Variants in CORIN observed in about 807,000 individuals in gnomAD.
The protein encoded by CORIN is atrial natriuretic peptide-converting enzyme.
A neutral mutation model predicts 125.3 loss-of-function variants in CORIN; 117 were observed. The ratio of observed to expected loss-of-function variants is 0.93; its 90% confidence interval spans 0.80 to 1.09. CORIN has a LOEUF of 1.09. Among genes scored for constraint, CORIN ranks in the 50% least tolerant of loss-of-function variants. The pLI, the probability that CORIN is intolerant of heterozygous loss-of-function variation, is 0.00. For missense variants in CORIN, 1,253 were observed against 1,306.7 expected (o/e 0.96, Z 0.63); for synonymous variants, 450 against 466.4 (o/e 0.96, Z 0.45).
At chr4:47,740,258 G>T (rs6849926) in intron 5 of CORIN, among the ~76,000 whole-genome samples, 27,287 of 151,730 alleles carry the variant, frequency 0.18, 3,008 homozygotes, top group Non-Finnish European at 0.25. Context: ...ATTTTCTATT[G>T]CTGGGTGGAG....
intron 4 of CORIN, among the ~76,000 whole-genome samples, chr4:47,752,922 T>G (rs1219656950): frequency 6.6e-6 from 1 of 152,184 alleles, no homozygotes; most frequent in Non-Finnish European, 1.5e-5. Context: ...TTACACATTA[T>G]AAAAGGATGC....
chr4:47,806,503 A>ATGATGCTT (rs1216853960), intron 2 of CORIN, among the ~76,000 whole-genome samples: 6 of 152,244 alleles, frequency 3.9e-5, no homozygotes, highest in African/African-American at 1.4e-4. Context: ...TTAACTCTCC[A>ATGATGCTT]TGATGCTTTC....
In CORIN at chr4:47,594,022, TG is replaced by T. The variant is rs1721162053; in HGVS notation, c.*1698del. The T allele has an allele frequency of 6.6e-6, 1 of 151,884 alleles. No individual in the cohort carries two copies. The highest frequency in any genetic ancestry group is 2.4e-5 in the African/African-American group (1 of 41,396). 9.4% of individuals were successfully genotyped at this position (151,884 alleles called of 1,614,324 possible). On this transcript the variant is annotated 3_prime_UTR_variant, in exon 22 of 22. Coordinates refer to ENST00000273857, the MANE Select transcript of CORIN (RefSeq NM_006587.4). ...GTGATTAGACCATTACCATTTTATT[TG>T]TATTAAGAATTATTTAAAATAAGTA...
rs889617143 is a variant in CORIN, at chr4:47,594,136, A to T, written c.*1585T>A. ...GCTACAACTGTAACAAAACTGACAT[A>T]TGTTCTTGAACTTTCATACAATCGT... is the stretch of plus-strand genomic sequence containing the variant. On this transcript the variant is annotated 3_prime_UTR_variant, in exon 22 of 22. Coordinates refer to ENST00000273857, the MANE Select transcript of CORIN (RefSeq NM_006587.4). 3 of 152,202 alleles carry T rather than the reference A, an allele frequency of 2.0e-5. No individual in the cohort carries two copies. The highest frequency in any genetic ancestry group is 4.8e-5 in the African/African-American group (2 of 41,448). 9.4% of individuals were successfully genotyped at this position (152,202 alleles called of 1,614,324 possible).
intron 21 of CORIN, among the ~76,000 whole-genome samples, chr4:47,596,887 A>G (rs1027906544): frequency 2.0e-5 from 3 of 152,184 alleles, no homozygotes; most frequent in Non-Finnish European, 4.4e-5. Flanking sequence ...CTAAGAGTTT[A>G]TATTATTTAT....
chr4:47,779,377 A>G (rs918692312), intron 3 of CORIN, among the ~76,000 whole-genome samples: 1 of 151,798 alleles, frequency 6.6e-6, no homozygotes, highest in Non-Finnish European at 1.5e-5. Flanking sequence ...ATGAGTAGTA[A>G]TCCAGGTAAA....
At chr4:47,612,196 T>C (rs1221961798) in intron 19 of CORIN, among the ~76,000 whole-genome samples, 1 of 152,122 alleles carries the variant, frequency 6.6e-6, no homozygotes, top group Non-Finnish European at 1.5e-5. Flanking sequence ...GAATAGACTT[T>C]AGAATAGAGA....
chr4:47,774,928 G>C (rs530156115), intron 3 of CORIN, among the ~76,000 whole-genome samples: 1 of 152,192 alleles, frequency 6.6e-6, no homozygotes, highest in Non-Finnish European at 1.5e-5. Context: ...GCAGAAAAGC[G>C]GAATGATGGT....
chr4:47,612,853 T>A (rs1721923405), intron 19 of CORIN, among the ~76,000 whole-genome samples: 1 of 152,178 alleles, frequency 6.6e-6, no homozygotes, highest in South Asian at 2.1e-4. Flanking sequence ...CCTGAATGTA[T>A]CCCTCAAATA....
chr4:47,760,621 AG>A (rs1252506052), intron 4 of CORIN, among the ~76,000 whole-genome samples: 1 of 152,188 alleles, frequency 6.6e-6, no homozygotes, highest in Middle Eastern at 3.2e-3. Context: ...GAATGGTAAA[AG>A]ATCATTGGCT....
chr4:47,774,339 C>A (rs1730193026), intron 3 of CORIN, among the ~76,000 whole-genome samples: 1 of 152,048 alleles, frequency 6.6e-6, no homozygotes, highest in South Asian at 2.1e-4. Flanking sequence ...AGGGCAGGAG[C>A]CCTGCACTCC....
At chr4:47,791,507 C>T (rs982882214) in intron 2 of CORIN, among the ~76,000 whole-genome samples, 1 of 152,140 alleles carries the variant, frequency 6.6e-6, no homozygotes, top group Non-Finnish European at 1.5e-5. Context: ...TTGCTAAGTT[C>T]CCTCACTATA....
At chr4:47,783,644 A>G (rs1405727092) in intron 3 of CORIN, among the ~76,000 whole-genome samples, 1 of 152,158 alleles carries the variant, frequency 6.6e-6, no homozygotes, top group Non-Finnish European at 1.5e-5. Context: ...TAATTTGAGC[A>G]TAATAAAAGA....
intron 2 of CORIN, among the ~76,000 whole-genome samples, chr4:47,804,075 A>G (rs1241690073): frequency 6.6e-6 from 1 of 152,260 alleles, no homozygotes; most frequent in Admixed American, 6.5e-5. Flanking sequence ...AAAATAAGGC[A>G]TACAAATGGC....
In CORIN at chr4:47,770,650, TA is replaced by T. The variant is rs58833319; in HGVS notation, c.410-7065del. 1.0e-3 allele frequency among the ~76,000 whole-genome samples: 157 copies of T among 152,234 alleles called. 1 individual carries two copies. Among genetic ancestry groups the T allele is most frequent in the African/African-American group, 3.6e-3 (151 of 41,540 alleles). Reference sequence around the variant, plus strand: ...AAATGTCCATCAATGGATGAATGGATAAAGAACATGTAGTATATACACACAA... The same window carrying T: ...AAATGTCCATCAATGGATGAATGGATAAGAACATGTAGTATATACACACAA... On this transcript the variant is annotated intron_variant, in intron 3 of 21. Transcript: ENST00000273857.
At chr4:47,820,857 T>C (rs987020026) in intron 1 of CORIN, among the ~76,000 whole-genome samples, 5 of 152,210 alleles carry the variant, frequency 3.3e-5, no homozygotes, top group Admixed American at 6.5e-5. Context: ...ATTACTATTG[T>C]GATTAATGCT....
At chr4:47,808,579 T>G (rs1380926266) in intron 1 of CORIN, among the ~76,000 whole-genome samples, 1 of 152,224 alleles carries the variant, frequency 6.6e-6, no homozygotes, top group Non-Finnish European at 1.5e-5. Context: ...TGAAGTAACT[T>G]GTGTTGTTAA....
At chr4:47,624,889 AATG>A (rs1428335905) in intron 17 of CORIN, among the ~76,000 whole-genome samples, 3 of 152,014 alleles carry the variant, frequency 2.0e-5, no homozygotes, top group African/African-American at 7.2e-5. Flanking sequence ...GAAAAAAAAA[AATG>A]CAACCCTAAA....
chr4:47,611,709 T>C (rs1341279381), intron 19 of CORIN, among the ~76,000 whole-genome samples: 2 of 152,314 alleles, frequency 1.3e-5, no homozygotes, highest in South Asian at 4.1e-4. Context: ...TTGCCTATGC[T>C]GCATGATATT....
Sources: allele counts gnomAD v4.1 joint callset (sites outside exome capture counted in the v4.1 genomes callset), GRCh38; gene constraint gnomAD v4.1.1; transcripts MANE v1.5; gene names NCBI Gene and HGNC (gene_info 2026-07-23, HGNC 2026-07-21).